Variants in SMG7 observed in about 807,000 individuals in gnomAD.
SMG7 encodes the protein nonsense-mediated mRNA decay factor SMG7.
Under a neutral mutation model 148.2 loss-of-function variants are expected in SMG7, and 34 were observed. The ratio of observed to expected loss-of-function variants is 0.23; its 90% CI spans 0.17 to 0.31. The LOEUF is 0.31. Ranked by LOEUF, SMG7 falls within the 10% of genes least tolerant of loss-of-function variation. The pLI is 1.00. For synonymous variants in SMG7, 492 were observed against 515.1 expected (o/e 0.96, Z 0.61); for missense variants, 1,114 against 1,408.4 (o/e 0.79, Z 3.35).
rs1666193344 is a variant in SMG7 at position 183,528,040 on chromosome 1, G to A, written c.556+13G>A. 1 of 1,598,792 alleles carries A rather than the reference G, an allele frequency of 6.3e-7. No homozygotes were observed. Among genetic ancestry groups the A allele is most frequent in the African/African-American group, 1.3e-5 (1 of 74,638 alleles). On this transcript the variant is annotated intron_variant, in intron 6 of 22. Transcript: ENST00000688051. ...GTCCCCTCCAATGGTGAGTGGACCTGTCAACCTGAGATTGACCGTGACACT... is the reference window on the plus strand; with the variant it reads ...GTCCCCTCCAATGGTGAGTGGACCTATCAACCTGAGATTGACCGTGACACT...
intron 8 of SMG7, among the ~76,000 whole-genome samples, chr1:183,532,865 A>C (rs1667109548): frequency 6.6e-6 from 1 of 152,208 alleles, no homozygotes. Flanking sequence ...ATGGATGAAC[A>C]CTCAAAGACT....
At chr1:183,474,080 G>T (rs1651470689) in intron 1 of SMG7, among the ~76,000 whole-genome samples, 1 of 152,136 alleles carries the variant, frequency 6.6e-6, no homozygotes, top group South Asian at 2.1e-4. Flanking sequence ...GTAATTTGAG[G>T]TCCTTTTTTT....
chr1:183,504,304 G>A (rs10911352), intron 1 of SMG7, among the ~76,000 whole-genome samples: 24,382 of 151,698 alleles, frequency 0.16, 2,270 homozygotes, highest in African/African-American at 0.27. Context: ...GTCTTCTAGC[G>A]ATTTTTCTGT....
At position 183,553,162 on chromosome 1, in the gene SMG7, ACGT is replaced by A. The variant is rs1196942434; in HGVS notation, c.*1236_*1238del. The A allele has an allele frequency of 6.5e-7, 1 of 1,536,494 alleles. No homozygotes were observed. The highest frequency in any genetic ancestry group is 2.4e-5 in the East Asian group (1 of 40,920). On this transcript the variant is annotated 3_prime_UTR_variant, in exon 23 of 23. Coordinates refer to ENST00000688051, the MANE Select transcript of SMG7 (RefSeq NM_001375584.1). Reference sequence around the variant, plus strand: ...CCCATCAGGCACAGAAGAAAACACGACGTCGTCCATTTTGGAAGAGACGAAAGA... The same window carrying A: ...CCCATCAGGCACAGAAGAAAACACGACGTCCATTTTGGAAGAGACGAAAGA...
chr1:183,544,479 C>T lies in SMG7; in HGVS notation c.1969C>T (p.Pro657Ser). The T allele has an allele frequency of 1.9e-6, 3 of 1,613,824 alleles. No homozygotes were observed. In the South Asian group the frequency reaches 3.3e-5, roughly 18 times the overall value. ...CATTCATCACCCTGGAGCCTTCCCT[C>T]CTCTTCCCAGCAGGCCAGGTAAATA... is the stretch of plus-strand genomic sequence containing the variant. ...IPIHHPGAFP[P>S]LPSRPGFPPP... The change falls in exon 15 of 23, where the codon CCT becomes TCT. Residue 657 changes from proline (P) to serine (S), a missense_variant. Transcript: ENST00000688051.
At position 183,544,402 on chromosome 1, in the gene SMG7, A is replaced by C. The variant is rs747848424; in HGVS notation, c.1892A>C (p.Lys631Thr). Residue 631 changes from lysine (K) to threonine (T), a missense_variant, in exon 15 of 23, where the codon AAA becomes ACA. This residue lies in a region of SMG7 where 788 missense variants were observed against 894.5 expected (regional missense o/e 0.88). Transcript: ENST00000688051. The stretch of plus-strand genomic sequence containing the variant: ...AAGACTCCAGTGTCTGAAGCCAGAA[A>C]AACACCTGTAACTCAAACCCCAACT... ...LRKTPVSEARKTPVTQTPTQA... is the reference protein window; with the variant it reads ...LRKTPVSEARTTPVTQTPTQA... 1.2e-6 allele frequency: 2 copies of C among 1,614,014 alleles called. No individual in the cohort carries two copies. The highest frequency in any genetic ancestry group is 1.7e-6 in the Non-Finnish European group (2 of 1,179,922).
rs779541236 is a variant in SMG7, at chr1:183,538,430, C to T, written c.1285C>T (p.Pro429Ser). Residue 429 changes from proline (P) to serine (S), a missense_variant, in exon 12 of 23, where the codon CCT (proline) becomes TCT (serine). Physicochemically the swap from Pro to Ser is moderately conservative, Grantham distance 74. Around this residue, in one of 4 missense-constraint regions of SMG7, gnomAD observed 102 missense variants for 147.2 expected, o/e 0.69. Transcript: ENST00000688051. ...FELQGFLALRPSFRNLDFSKG... is the reference protein window; with the variant it reads ...FELQGFLALRSSFRNLDFSKG... ...ATTACAAGGATTTTTGGCATTGAGA[C>T]CTTCTTTCAGGTAGGTGATAGCTGA... 6.2e-7 allele frequency: 1 copy of T among 1,609,654 alleles called. No homozygotes were observed. Among genetic ancestry groups the T allele is most frequent in the Non-Finnish European group, 8.5e-7 (1 of 1,175,976 alleles).
chr1:183,526,308 C>T (rs1665853089), intron 4 of SMG7, among the ~76,000 whole-genome samples: 1 of 151,680 alleles, frequency 6.6e-6, no homozygotes, highest in Non-Finnish European at 1.5e-5. Context: ...ACCACCACTC[C>T]CGGCTGATTT....
chr1:183,546,358 C>G, intron 17 of SMG7, 21 bp downstream of exon 17: 1 of 1,587,000 alleles, frequency 6.3e-7, no homozygotes, highest in Non-Finnish European at 8.6e-7. Context: ...TTTCCTATCA[C>G]CAGGCAATTT....
At chr1:183,476,712 G>A (rs2102011258) in intron 1 of SMG7, among the ~76,000 whole-genome samples, 2 of 152,186 alleles carry the variant, frequency 1.3e-5, no homozygotes, top group South Asian at 4.1e-4. Flanking sequence ...ACACTGACAA[G>A]ACTTCTAAGA....
chr1:183,551,867 A>G lies in SMG7; in HGVS notation c.3500A>G (p.Gln1167Arg). The G allele has an allele frequency of 6.2e-7, 1 of 1,613,854 alleles. No homozygotes were observed. Among genetic ancestry groups the G allele is most frequent in the Non-Finnish European group, 8.5e-7 (1 of 1,179,842 alleles). ...MMHPGPSALE[Q>R]LLMQQKQKQQ... ...CATCCTGGACCTTCTGCTCTGGAGCAGCTGTTAATGCAGCAGAAGCAGAAA... is the reference window on the plus strand; with the variant it reads ...CATCCTGGACCTTCTGCTCTGGAGCGGCTGTTAATGCAGCAGAAGCAGAAA... The change falls in exon 23 of 23, where the codon CAG becomes CGG. Residue 1167 changes from glutamine to arginine, a missense_variant. Physicochemically the swap from Gln to Arg is conservative, Grantham distance 43. This residue lies in a region of SMG7 where 788 missense variants were observed against 894.5 expected (regional missense o/e 0.88). Coordinates refer to ENST00000688051, the MANE Select transcript of SMG7 (RefSeq NM_001375584.1).
Position 183,528,038 on chromosome 1 carries a change from C to T in SMG7, c.556+11C>T, listed in dbSNP as rs1666192737. The T allele has an allele frequency of 3.1e-6, 5 of 1,597,562 alleles. 1 individual carries two copies. The highest frequency in any genetic ancestry group is 1.7e-4 in the Middle Eastern group (1 of 6,036). On this transcript the variant is annotated intron_variant, in intron 6 of 22. Coordinates refer to ENST00000688051, the MANE Select transcript of SMG7 (RefSeq NM_001375584.1). Reference sequence around the variant, plus strand: ...TTGTCCCCTCCAATGGTGAGTGGACCTGTCAACCTGAGATTGACCGTGACA... The same window carrying T: ...TTGTCCCCTCCAATGGTGAGTGGACTTGTCAACCTGAGATTGACCGTGACA...
intron 2 of SMG7, among the ~76,000 whole-genome samples, chr1:183,514,081 A>G (rs1196834614): frequency 6.6e-6 from 1 of 151,862 alleles, no homozygotes; most frequent in East Asian, 1.9e-4. Context: ...AAATTAGGAA[A>G]TATGTTGTAA....
chr1:183,511,322 T>C (rs1571912100), intron 1 of SMG7, among the ~76,000 whole-genome samples: 1 of 152,136 alleles, frequency 6.6e-6, no homozygotes, highest in African/African-American at 2.4e-5. Context: ...GAAGAAAAAC[T>C]AGAAGTGCTG....
At position 183,552,814 on chromosome 1, in the gene SMG7, A is replaced by C; in HGVS notation, c.*883A>C. On this transcript the variant is annotated 3_prime_UTR_variant, in exon 23 of 23. Transcript: ENST00000688051. ...GTCCATTCACAGCCTGACACGTTCT[A>C]ATAGGTAGAAGCTTTCAGTGTGGTT... is the stretch of plus-strand genomic sequence containing the variant. The C allele has an allele frequency of 7.0e-7, 1 of 1,425,900 alleles. No individual in the cohort carries two copies. Among genetic ancestry groups the C allele is most frequent in the Non-Finnish European group, 9.1e-7 (1 of 1,094,066 alleles). The allele number at this position is 1,425,900 out of a possible 1,614,324, so 88.3% of individuals were successfully genotyped here. A position where few individuals can be genotyped will look rare whatever the true frequency, so the allele number is the denominator to read the frequency against.
chr1:183,528,740 T>A, intron 6 of SMG7, 152 bp from the exon 7 acceptor site: 1 of 648,194 alleles, frequency 1.5e-6, no homozygotes, highest in Non-Finnish European at 2.7e-6. Context: ...AGTGTGCTGT[T>A]GGACCTTACG....
intron 10 of SMG7, 93 bp downstream of exon 10, chr1:183,533,925 G>A (rs1667287781): frequency 1.9e-6 from 2 of 1,045,178 alleles, no homozygotes; most frequent in Non-Finnish European, 1.4e-6. Flanking sequence ...TACAACATTT[G>A]AACAATAGAA....
rs749829061 is a variant in SMG7 at position 183,552,493 on chromosome 1, C to A, written c.*562C>A. ...AGCAAGGAAAGCCCCGTTCACTGCT[C>A]CTGTGAGAGGTTGGTGGTGACAGGA... On this transcript the variant is annotated 3_prime_UTR_variant, in exon 23 of 23. Transcript: ENST00000688051. 1.5e-5 allele frequency: 15 copies of A among 996,644 alleles called. No individual in the cohort carries two copies. The highest frequency in any genetic ancestry group is 1.7e-5 in the Non-Finnish European group (14 of 836,290). 61.7% of individuals were successfully genotyped at this position (996,644 alleles called of 1,614,324 possible).
At chr1:183,482,644 T>C (rs1355703277) in intron 1 of SMG7, among the ~76,000 whole-genome samples, 3 of 152,150 alleles carry the variant, frequency 2.0e-5, no homozygotes, top group African/African-American at 7.2e-5. Flanking sequence ...TAACTTATTA[T>C]AGCTTATGTC....
Sources: allele counts gnomAD v4.1 joint callset (sites outside exome capture counted in the v4.1 genomes callset), GRCh38; gene constraint gnomAD v4.1.1; regional missense constraint gnomAD v4.1.1; transcripts MANE v1.5; gene names NCBI Gene and HGNC (gene_info 2026-07-23, HGNC 2026-07-21).